Variants in ARHGAP24 observed in about 807,000 individuals in gnomAD.
ARHGAP24 encodes the protein rho GTPase-activating protein 24.
Under a neutral mutation model 76.4 loss-of-function variants are expected in ARHGAP24, and 50 were observed. The observed-to-expected ratio is 0.65, with a 90% CI of 0.52 to 0.83. ARHGAP24 has a LOEUF of 0.83. ARHGAP24 is among the 40% of genes least tolerant of loss of function. The probability of loss-of-function intolerance (pLI) is 0.00; values close to 1 mark genes in which losing one functional copy is unlikely to be tolerated. For missense variants in ARHGAP24, 930 were observed against 914.2 expected (o/e 1.02, Z -0.22); for synonymous variants, 345 against 323.3 (o/e 1.07, Z -0.72).
intron 1 of ARHGAP24, among the ~76,000 whole-genome samples, chr4:85,519,779 T>A (rs1212001758): frequency 6.6e-6 from 1 of 151,494 alleles, no homozygotes; most frequent in Non-Finnish European, 1.5e-5. Context: ...GTCTTTTACT[T>A]CTCCCTCTAC....
At chr4:85,585,689 C>T (rs777429701) in intron 2 of ARHGAP24, among the ~76,000 whole-genome samples, 2 of 152,144 alleles carry the variant, frequency 1.3e-5, no homozygotes, top group African/African-American at 4.8e-5. Context: ...TTCCTTATTC[C>T]ATCTCCAAGG....
At chr4:85,975,111 G>A in intron 7 of ARHGAP24, 150 bp downstream of exon 7, 1 of 729,744 alleles carries the variant, frequency 1.4e-6, no homozygotes, top group Admixed American at 2.2e-5. Flanking sequence ...GGTGATCTCA[G>A]AGGCTTCTTT....
chr4:85,857,992 TA>T (rs1463287804), intron 3 of ARHGAP24, among the ~76,000 whole-genome samples: 1 of 152,192 alleles, frequency 6.6e-6, no homozygotes, highest in Non-Finnish European at 1.5e-5. Flanking sequence ...CTTTTGCTTG[TA>T]ATTAAGAACT....
At chr4:85,616,910 G>A (rs1285599689) in intron 2 of ARHGAP24, among the ~76,000 whole-genome samples, 3 of 152,058 alleles carry the variant, frequency 2.0e-5, no homozygotes, top group Admixed American at 6.6e-5. Context: ...TTACAGACGT[G>A]AGCCGGCATG....
chr4:85,678,345 G>A (rs1723066658), intron 2 of ARHGAP24, among the ~76,000 whole-genome samples: 1 of 152,162 alleles, frequency 6.6e-6, no homozygotes. Flanking sequence ...ACTCCAGCCT[G>A]GGTGACAAAG....
chr4:85,770,226 A>G (rs1232716403), intron 3 of ARHGAP24, among the ~76,000 whole-genome samples: 1 of 152,218 alleles, frequency 6.6e-6, no homozygotes, highest in Non-Finnish European at 1.5e-5. Flanking sequence ...TAAAAATGAC[A>G]GTGTAGGGGA....
At chr4:85,580,652 G>A (rs1727570855) in intron 2 of ARHGAP24, among the ~76,000 whole-genome samples, 1 of 152,098 alleles carries the variant, frequency 6.6e-6, no homozygotes, top group African/African-American at 2.4e-5. Context: ...AGCAGCCTCA[G>A]CACGTGACAA....
intron 2 of ARHGAP24, among the ~76,000 whole-genome samples, chr4:85,629,750 C>G (rs1721099682): frequency 6.6e-6 from 1 of 152,154 alleles, no homozygotes; most frequent in Admixed American, 6.5e-5. Flanking sequence ...TTACTTCTCT[C>G]TTACTGCTTT....
At chr4:85,645,383 T>TA (rs1721683897) in intron 2 of ARHGAP24, among the ~76,000 whole-genome samples, 1 of 152,142 alleles carries the variant, frequency 6.6e-6, no homozygotes, top group African/African-American at 2.4e-5. Flanking sequence ...TCTGATTTTT[T>TA]AAAAATCTTG....
At chr4:85,605,543 TACA>T (rs1300219446) in intron 2 of ARHGAP24, among the ~76,000 whole-genome samples, 4 of 152,214 alleles carry the variant, frequency 2.6e-5, no homozygotes, top group African/African-American at 7.2e-5. Context: ...CTTGCATTCA[TACA>T]ACAAGAGCTA....
At chr4:85,869,619 A>T (rs1389134167) in intron 3 of ARHGAP24, among the ~76,000 whole-genome samples, 1 of 151,560 alleles carries the variant, frequency 6.6e-6, no homozygotes, top group Non-Finnish European at 1.5e-5. Flanking sequence ...AAGGGAGGAC[A>T]ATTTTTTTTC....
chr4:85,839,601 C>T (rs1160179062), intron 3 of ARHGAP24, among the ~76,000 whole-genome samples: 2 of 151,798 alleles, frequency 1.3e-5, no homozygotes, highest in Non-Finnish European at 1.5e-5. Context: ...CAGGCACGTG[C>T]CACCACGCCC....
At chr4:85,832,201 T>C (rs1203818778) in intron 3 of ARHGAP24, among the ~76,000 whole-genome samples, 1 of 152,100 alleles carries the variant, frequency 6.6e-6, no homozygotes, top group African/African-American at 2.4e-5. Flanking sequence ...GTGAGAAGGC[T>C]TGGGATTAGC....
At chr4:85,858,181 C>A (rs1236824228) in intron 3 of ARHGAP24, among the ~76,000 whole-genome samples, 2 of 152,100 alleles carry the variant, frequency 1.3e-5, no homozygotes, top group African/African-American at 4.8e-5. Context: ...ATACCAGTTG[C>A]ATTTGAAGCA....
intron 1 of ARHGAP24, among the ~76,000 whole-genome samples, chr4:85,522,563 T>G (rs1483152867): frequency 6.6e-6 from 1 of 152,204 alleles, no homozygotes; most frequent in Non-Finnish European, 1.5e-5. Context: ...CATTCTTATT[T>G]GGTCAGATAC....
intron 3 of ARHGAP24, among the ~76,000 whole-genome samples, chr4:85,857,602 A>T (rs982236078): frequency 3.3e-5 from 5 of 152,134 alleles, no homozygotes; most frequent in African/African-American, 1.2e-4. Context: ...GGAAATTCCT[A>T]CTATGTGAGG....
At chr4:85,904,904 T>A (rs1734689632) in intron 3 of ARHGAP24, among the ~76,000 whole-genome samples, 1 of 152,212 alleles carries the variant, frequency 6.6e-6, no homozygotes, top group African/African-American at 2.4e-5. Context: ...TGGTGAGTGA[T>A]CTTTTTCATA....
At chr4:85,868,602 A>G (rs1732342822) in intron 3 of ARHGAP24, among the ~76,000 whole-genome samples, 1 of 152,162 alleles carries the variant, frequency 6.6e-6, no homozygotes, top group Non-Finnish European at 1.5e-5. Context: ...GGTATCTCAG[A>G]TGGGATCCTG....
At position 85,808,936 on chromosome 4, in the gene ARHGAP24, G is replaced by A. The variant is rs1025252099; in HGVS notation, c.268+86964G>A. Among the ~76,000 whole-genome samples the A allele has an allele frequency of 2.6e-5, 4 of 152,206 alleles. No individual in the cohort carries two copies. In the South Asian group the frequency reaches 8.3e-4, roughly 32 times the overall value. ...AAGCTCTGTGTTACATATGAACTGG[G>A]GACTATGTCTTCCTAGAAGTTATAA... On this transcript the variant is annotated intron_variant, in intron 3 of 9. Coordinates refer to ENST00000395184, the MANE Select transcript of ARHGAP24 (RefSeq NM_001025616.3).
Sources: gnomAD v4.1 joint callset for allele counts (sites outside exome capture counted in the v4.1 genomes callset) on GRCh38, gnomAD v4.1.1 for gene constraint, MANE v1.5 for transcripts, NCBI Gene and HGNC (gene_info 2026-07-23, HGNC 2026-07-21) for gene names.